Variants in SPMIP3 observed in about 807,000 individuals in gnomAD.
SPMIP3 encodes protein SPMIP3.
the SPMIP3 span, among the ~76,000 whole-genome samples, chr1:244,372,152 A>G: frequency 1.3e-5 from 2 of 151,052 alleles, no homozygotes; most frequent in Non-Finnish European, 1.5e-5. Flanking sequence ...CTCTTCCCCA[A>G]CCCCTTTGCT....
At chr1:244,369,066 G>A in the SPMIP3 span, among the ~76,000 whole-genome samples, 1 of 152,196 alleles carries the variant, frequency 6.6e-6, no homozygotes, top group Non-Finnish European at 1.5e-5. Flanking sequence ...GGCTGAGGCA[G>A]GAGAATTGCT....
At chr1:244,364,775 C>T in the SPMIP3 span, 1 of 1,613,648 alleles carries the variant, frequency 6.2e-7, no homozygotes, top group South Asian at 1.1e-5. Context: ...CTTCCAGATG[C>T]ACAGCCTCCG....
At chr1:244,356,301 C>G in the SPMIP3 span, among the ~76,000 whole-genome samples, 1 of 152,104 alleles carries the variant, frequency 6.6e-6, no homozygotes, top group African/African-American at 2.4e-5. Context: ...GAAGGTTCCC[C>G]ATAGTTTGCT....
the SPMIP3 span, among the ~76,000 whole-genome samples, chr1:244,381,079 G>T: frequency 6.6e-6 from 1 of 152,070 alleles, no homozygotes; most frequent in South Asian, 2.1e-4. Context: ...AGGGGTTGCC[G>T]TCCCAAGGAG....
chr1:244,358,096 G>GGTACA, the SPMIP3 span, among the ~76,000 whole-genome samples: 1 of 151,606 alleles, frequency 6.6e-6, no homozygotes, highest in Non-Finnish European at 1.5e-5. Context: ...CAGGCATGGT[G>GGTACA]GTACACGCCT....
chr1:244,364,635 G>A, the SPMIP3 span: 2 of 1,448,528 alleles, frequency 1.4e-6, no homozygotes, highest in Non-Finnish European at 1.9e-6. Flanking sequence ...TCTCACCCAT[G>A]GAATTATGTA....
chr1:244,378,495 A>C, the SPMIP3 span: 3 of 1,613,868 alleles, frequency 1.9e-6, no homozygotes, highest in Non-Finnish European at 2.5e-6. Flanking sequence ...AATTCCACCC[A>C]AGACAAAATA....
chr1:244,357,513 A>AG, the SPMIP3 span, among the ~76,000 whole-genome samples: 1 of 151,910 alleles, frequency 6.6e-6, no homozygotes, highest in Non-Finnish European at 1.5e-5. Context: ...GTTGGGGACC[A>AG]GCCTGACAAA....
At chr1:244,372,469 A>G in the SPMIP3 span, among the ~76,000 whole-genome samples, 4 of 144,038 alleles carry the variant, frequency 2.8e-5, no homozygotes, top group African/African-American at 1.0e-4. Flanking sequence ...TTTGAGATGG[A>G]GTCTCACTCT....
chr1:244,385,575 G>A, the SPMIP3 span, among the ~76,000 whole-genome samples: 1,304 of 152,184 alleles, frequency 8.6e-3, 22 homozygotes, highest in African/African-American at 0.03. Context: ...TACCAACAGC[G>A]TGGCCCTTAG....
the SPMIP3 span, among the ~76,000 whole-genome samples, chr1:244,355,381 TTTTA>T: frequency 2.0e-5 from 3 of 151,500 alleles, no homozygotes; most frequent in African/African-American, 7.4e-5. Flanking sequence ...ATTTTATTCT[TTTTA>T]TTGATTGATT....
chr1:244,367,608 G>A, the SPMIP3 span, among the ~76,000 whole-genome samples: 185 of 152,270 alleles, frequency 1.2e-3, 1 homozygote, highest in African/African-American at 3.6e-3. Flanking sequence ...ACCCACGTGC[G>A]GCTCGGAGGA....
chr1:244,363,385 G>A, the SPMIP3 span, among the ~76,000 whole-genome samples: 1 of 143,692 alleles, frequency 7.0e-6, no homozygotes, highest in Non-Finnish European at 1.5e-5. Context: ...TCCAACCTAG[G>A]CGACAGAGTG....
chr1:244,377,586 G>C, the SPMIP3 span, among the ~76,000 whole-genome samples: 4 of 152,180 alleles, frequency 2.6e-5, no homozygotes, highest in East Asian at 7.7e-4. Context: ...CCTAATTGTT[G>C]GGATAAAATA....
the SPMIP3 span, among the ~76,000 whole-genome samples, chr1:244,356,918 C>CTTTTTTTTTT: frequency 9.6e-6 from 1 of 103,784 alleles, no homozygotes; most frequent in Non-Finnish European, 1.8e-5. Context: ...TTTTCTTTTC[C>CTTTTTTTTTT]TTTTTTTTTT....
At chr1:244,370,454 G>A in the SPMIP3 span, among the ~76,000 whole-genome samples, 3 of 152,128 alleles carry the variant, frequency 2.0e-5, no homozygotes, top group South Asian at 2.1e-4. Context: ...TCACCACATC[G>A]TCTGTGATTA....
chr1:244,381,843 A>G, the SPMIP3 span, among the ~76,000 whole-genome samples: 1 of 152,224 alleles, frequency 6.6e-6, no homozygotes, highest in Non-Finnish European at 1.5e-5. Context: ...AGGCAGGAGA[A>G]TTGCTTGAAC....
chr1:244,376,884 C>T, the SPMIP3 span, among the ~76,000 whole-genome samples: 1 of 151,884 alleles, frequency 6.6e-6, no homozygotes, highest in Non-Finnish European at 1.5e-5. Flanking sequence ...GATCTCGGCT[C>T]GCTGCAACCT....
chr1:244,364,326 C>T, the SPMIP3 span, among the ~76,000 whole-genome samples: 6 of 151,932 alleles, frequency 3.9e-5, no homozygotes, highest in African/African-American at 7.2e-5. Flanking sequence ...AGGATGGTCT[C>T]GATCTCCTGA....
Sources: allele counts gnomAD v4.1 joint callset (sites outside exome capture counted in the v4.1 genomes callset), GRCh38; gene constraint gnomAD v4.1.1; transcripts MANE v1.5; gene names NCBI Gene and HGNC (gene_info 2026-07-23, HGNC 2026-07-21).